The following PCDHA2 variants were observed in gnomAD, a reference collection of about 807,000 sequenced individuals.
PCDHA2 encodes the protein protocadherin alpha-2.
A neutral mutation model predicts 66.0 loss-of-function variants in PCDHA2; 58 were observed. The ratio of observed to expected loss-of-function variants is 0.88; its 90% CI spans 0.71 to 1.09. The LOEUF (loss-of-function observed/expected upper bound fraction) is 1.09, where lower values mean the gene tolerates loss of function less well. Among genes scored for constraint, PCDHA2 ranks in the 50% least tolerant of loss-of-function variants. PCDHA2 has a pLI of 0.00. For missense variants in PCDHA2, 1,267 were observed against 1,242.3 expected (o/e 1.02, Z -0.30); for synonymous variants, 634 against 554.0 (o/e 1.14, Z -2.03).
intron 1 of PCDHA2, among the ~76,000 whole-genome samples, chr5:140,961,885 C>G (rs2095640261): frequency 6.7e-6 from 1 of 149,548 alleles, no homozygotes. Context: ...TTACTTACAT[C>G]AGTTTTTTTT....
chr5:140,802,646 C>A (rs1230044523), intron 1 of PCDHA2: 1 of 1,613,710 alleles, frequency 6.2e-7, no homozygotes, highest in South Asian at 1.1e-5. Flanking sequence ...GGGACGCGGA[C>A]GCGCAGGAGA....
chr5:141,007,037 T>C (rs1413139986), intron 3 of PCDHA2, among the ~76,000 whole-genome samples: 1 of 152,170 alleles, frequency 6.6e-6, no homozygotes, highest in Non-Finnish European at 1.5e-5. Flanking sequence ...TTTATATCTA[T>C]GGATATGGCT....
chr5:141,010,499 T>C lies in PCDHA2; in HGVS notation c.*562T>C. ...GTGTAAACTTAAAGGGACCAGACTTTCTAAATCTTACAACTCAAGAGGTGG... is the reference window on the plus strand; with the variant it reads ...GTGTAAACTTAAAGGGACCAGACTTCCTAAATCTTACAACTCAAGAGGTGG... On this transcript the variant is annotated 3_prime_UTR_variant, in exon 4 of 4. Coordinates refer to ENST00000526136, the MANE Select transcript of PCDHA2 (RefSeq NM_018905.3). 1.7e-6 allele frequency: 1 copy of C among 586,170 alleles called. No individual in the cohort carries two copies. Among genetic ancestry groups the C allele is most frequent in the Non-Finnish European group, 2.7e-6 (1 of 372,458 alleles). 36.3% of individuals were successfully genotyped at this position (586,170 alleles called of 1,614,324 possible).
intron 1 of PCDHA2, chr5:140,822,856 G>A: frequency 1.9e-6 from 3 of 1,614,206 alleles, no homozygotes; most frequent in Non-Finnish European, 2.5e-6. Flanking sequence ...TGTCAAAGAG[G>A]ACGCTCCACT....
intron 1 of PCDHA2, chr5:140,877,747 T>C (rs1554170075): frequency 1.2e-6 from 2 of 1,614,172 alleles, no homozygotes; most frequent in Non-Finnish European, 8.5e-7. Context: ...GCAGAGGGTG[T>C]GCTCTGCAGA....
At chr5:140,827,839 G>A in intron 1 of PCDHA2, 1 of 453,654 alleles carries the variant, frequency 2.2e-6, no homozygotes, top group Non-Finnish European at 3.8e-6. Flanking sequence ...GAGAAAAGAA[G>A]ATACTGTTTT....
intron 1 of PCDHA2, among the ~76,000 whole-genome samples, chr5:140,885,388 A>G (rs1187514037): frequency 2.0e-5 from 3 of 152,166 alleles, no homozygotes; most frequent in Admixed American, 2.0e-4. Context: ...CAGTCCCTGC[A>G]AATCTAATGG....
intron 3 of PCDHA2, among the ~76,000 whole-genome samples, chr5:140,992,975 T>G (rs2097535680): frequency 6.6e-6 from 1 of 152,178 alleles, no homozygotes; most frequent in Admixed American, 6.6e-5. Context: ...TGACAATGAT[T>G]AGGCCATGGG....
rs539246204 is a variant in PCDHA2 at position 140,883,140 on chromosome 5, A to G, written c.2388+85788A>G. On this transcript the variant is annotated intron_variant, in intron 1 of 3. Coordinates refer to ENST00000526136, the MANE Select transcript of PCDHA2 (RefSeq NM_018905.3). The stretch of plus-strand genomic sequence containing the variant: ...AGGCCTGTATGGCCTGCAGTGGTAT[A>G]TGCATTTACCATAAATCCGAACAAT... 9 of 1,614,118 alleles carry G rather than the reference A, an allele frequency of 5.6e-6. No individual in the cohort carries two copies. The South Asian group carries it at 9.9e-5, about 18-fold the overall frequency.
At chr5:140,917,337 G>T (rs1563019639) in intron 1 of PCDHA2, among the ~76,000 whole-genome samples, 1 of 142,560 alleles carries the variant, frequency 7.0e-6, no homozygotes, top group Non-Finnish European at 1.6e-5. Context: ...GGGAGGGGGG[G>T]GATGGTGTAG....
chr5:140,876,651 T>TC, intron 1 of PCDHA2: 1 of 1,614,178 alleles, frequency 6.2e-7, no homozygotes, highest in South Asian at 1.1e-5. Context: ...CACCTCATGT[T>TC]CCCTTCAAGC....
intron 1 of PCDHA2, among the ~76,000 whole-genome samples, chr5:140,932,536 T>G (rs1176427449): frequency 1.3e-5 from 2 of 151,940 alleles, no homozygotes. Flanking sequence ...TTCAAGGTGC[T>G]TTATTTAACA....
At chr5:140,949,932 TA>T (rs1438940739) in intron 1 of PCDHA2, among the ~76,000 whole-genome samples, 2 of 151,648 alleles carry the variant, frequency 1.3e-5, no homozygotes, top group African/African-American at 2.4e-5. Context: ...AGATTTTTTT[TA>T]ATTTGCATTT....
chr5:140,949,924 A>AT (rs144693243), intron 1 of PCDHA2, among the ~76,000 whole-genome samples: 6 of 151,302 alleles, frequency 4.0e-5, no homozygotes, highest in African/African-American at 7.3e-5. Context: ...CTATTTTTAG[A>AT]TTTTTTTTAA....
Position 140,869,569 on chromosome 5 carries a change from G to A in PCDHA2, c.2388+72217G>A, listed in dbSNP as rs200465902. ...ATCGGACTCGCGTTTTCCACTAGAG[G>A]GAGCTTCTGATGCTGACATTGAAGA... On this transcript the variant is annotated intron_variant, in intron 1 of 3. Coordinates refer to ENST00000526136, the MANE Select transcript of PCDHA2 (RefSeq NM_018905.3). 4.4e-4 allele frequency: 718 copies of A among 1,614,118 alleles called. 4 individuals carry two copies. The African/African-American group carries it at 8.4e-3, about 19-fold the overall frequency.
At chr5:140,937,023 A>G (rs2091268625) in intron 1 of PCDHA2, among the ~76,000 whole-genome samples, 1 of 150,410 alleles carries the variant, frequency 6.6e-6, no homozygotes. Flanking sequence ...TTAACAAGGT[A>G]TATTCTTCCA....
intron 1 of PCDHA2, among the ~76,000 whole-genome samples, chr5:140,971,967 A>C (rs2096509788): frequency 6.6e-6 from 1 of 152,118 alleles, no homozygotes; most frequent in Non-Finnish European, 1.5e-5. Flanking sequence ...ACTTTTTTTC[A>C]ATACTATGAG....
intron 1 of PCDHA2, chr5:140,883,869 A>G: frequency 6.2e-7 from 1 of 1,613,112 alleles, no homozygotes; most frequent in South Asian, 1.1e-5. Context: ...TTGCAGTTCC[A>G]GGTGAGCGCG....
intron 1 of PCDHA2, chr5:140,854,137 G>A (rs1297927276): frequency 9.5e-6 from 4 of 422,564 alleles, no homozygotes; most frequent in Non-Finnish European, 9.2e-6. Context: ...ATTTCAGCCC[G>A]GGTGACAGCA....
Sources: gnomAD v4.1 joint callset for allele counts (sites outside exome capture counted in the v4.1 genomes callset) on GRCh38, gnomAD v4.1.1 for gene constraint, MANE v1.5 for transcripts, NCBI Gene and HGNC (gene_info 2026-07-23, HGNC 2026-07-21) for gene names.